The following NDUFA10 variants were observed in gnomAD, a reference collection of about 807,000 sequenced individuals.
NDUFA10 encodes NADH:ubiquinone oxidoreductase subunit A10.
Under a neutral mutation model 47.8 loss-of-function variants are expected in NDUFA10, and 40 were observed. The observed-to-expected ratio is 0.84, with a 90% CI of 0.65 to 1.09. NDUFA10 has a LOEUF of 1.09. Among genes scored for constraint, NDUFA10 ranks in the 50% least tolerant of loss-of-function variants. The pLI is 0.00. For missense variants in NDUFA10, 413 were observed against 451.1 expected, an observed-to-expected ratio of 0.92 and a Z score of 0.76; for synonymous variants, 183 against 172.2, an observed-to-expected ratio of 1.06 and a Z score of -0.49.
chr2:239,951,292 C>T (rs1251205627), intron 4 of NDUFA10, among the ~76,000 whole-genome samples: 3 of 152,192 alleles, frequency 2.0e-5, no homozygotes, highest in Non-Finnish European at 2.9e-5. Flanking sequence ...TGCTGCTGCC[C>T]TGGAGACAGG....
chr2:240,022,437 T>G, intron 1 of NDUFA10, 97 bp from the exon 2 acceptor site: 3 of 1,541,172 alleles, frequency 1.9e-6, no homozygotes, highest in Non-Finnish European at 2.6e-6. Context: ...AACCTCTTAG[T>G]GATAAAAATG....
chr2:239,946,057 G>A (rs919415086), intron 4 of NDUFA10, among the ~76,000 whole-genome samples: 12 of 152,224 alleles, frequency 7.9e-5, no homozygotes, highest in African/African-American at 2.4e-4. Flanking sequence ...CAGGGCAGAC[G>A]TGTCCCTTGC....
At chr2:239,996,570 T>A (rs531619358) in intron 8 of NDUFA10, among the ~76,000 whole-genome samples, 196 of 152,370 alleles carry the variant, frequency 1.3e-3, no homozygotes, top group African/African-American at 4.5e-3. Context: ...CTGATGCATA[T>A]GCAACCATTC....
intron 4 of NDUFA10, among the ~76,000 whole-genome samples, chr2:239,904,022 C>T (rs1313991099): frequency 2.6e-5 from 4 of 152,136 alleles, no homozygotes; most frequent in African/African-American, 9.7e-5. Context: ...GTCTGCCCAT[C>T]CCAGGGAGCC....
chr2:239,949,237 TGAG>T (rs1362276013), intron 4 of NDUFA10, among the ~76,000 whole-genome samples: 1 of 152,220 alleles, frequency 6.6e-6, no homozygotes, highest in Non-Finnish European at 1.5e-5. Flanking sequence ...CATTTGTGTC[TGAG>T]GAGTGAGATG....
intron 4 of NDUFA10, among the ~76,000 whole-genome samples, chr2:239,901,262 C>A (rs1168928108): frequency 6.6e-6 from 1 of 152,124 alleles, no homozygotes; most frequent in African/African-American, 2.4e-5. Context: ...AATCCCAGCA[C>A]TTTGGGAGGC....
chr2:239,918,917 G>A (rs10933578), intron 4 of NDUFA10, among the ~76,000 whole-genome samples: 34,183 of 152,104 alleles, frequency 0.22, 5,335 homozygotes, highest in African/African-American at 0.45. Context: ...CCCTCCTCCT[G>A]CTCGTCCAGT....
intron 9 of NDUFA10, among the ~76,000 whole-genome samples, chr2:239,964,713 A>G (rs539442973): frequency 6.6e-6 from 1 of 152,092 alleles, no homozygotes; most frequent in Non-Finnish European, 1.5e-5. Flanking sequence ...CGGCGAGGAC[A>G]CCTCCAGCAG....
intron 4 of NDUFA10, among the ~76,000 whole-genome samples, chr2:239,931,630 G>A (rs1309809713): frequency 6.6e-6 from 1 of 152,172 alleles, no homozygotes; most frequent in Admixed American, 6.5e-5. Context: ...CACACAGCAG[G>A]TGCCCAGTCA....
chr2:240,022,265 T>C lies in NDUFA10; in HGVS notation c.151A>G (p.Lys51Glu). ...WHFLLGDKAS[K>E]RLTERSRVIT... is the part of the protein sequence containing the mutation. ...ACTCTGCTGCGTTCTGTCAGTCTTTTGCTTGCTTTATCCCCAAGTAGGAAA... is the reference window on the plus strand; with the variant it reads ...ACTCTGCTGCGTTCTGTCAGTCTTTCGCTTGCTTTATCCCCAAGTAGGAAA... Residue 51 changes from lysine to glutamate, a missense_variant, in exon 2 of 10, where the codon AAA becomes GAA. Physicochemically the swap from Lys to Glu is moderately conservative, Grantham distance 56. Coordinates refer to ENST00000252711, the MANE Select transcript of NDUFA10 (RefSeq NM_004544.4). 6.2e-7 allele frequency: 1 copy of C among 1,614,166 alleles called. No individual in the cohort carries two copies.
At chr2:239,967,683 C>G (rs992493219) in intron 9 of NDUFA10, among the ~76,000 whole-genome samples, 1 of 152,238 alleles carries the variant, frequency 6.6e-6, no homozygotes, top group Admixed American at 6.5e-5. Flanking sequence ...CAGCGGGGAA[C>G]AGGGTGATTC....
chr2:239,903,972 T>C (rs576075319), intron 4 of NDUFA10, among the ~76,000 whole-genome samples: 2 of 152,090 alleles, frequency 1.3e-5, no homozygotes, highest in African/African-American at 2.4e-5. Context: ...ATGGTAACAG[T>C]GGGGCAGCAC....
chr2:239,929,112 G>A (rs527499178), intron 4 of NDUFA10, among the ~76,000 whole-genome samples: 23 of 152,342 alleles, frequency 1.5e-4, no homozygotes, highest in African/African-American at 5.5e-4. Context: ...TGGCTAACGA[G>A]ATCGTAACAA....
chr2:240,021,528 C>T, intron 2 of NDUFA10, 116 bp from the exon 3 acceptor site: 1 of 908,312 alleles, frequency 1.1e-6, no homozygotes, highest in Non-Finnish European at 1.7e-6. Context: ...GGGATGGAGC[C>T]AATGACCTAG....
At chr2:240,021,478 G>T in intron 2 of NDUFA10, 66 bp from the exon 3 acceptor site, 1 of 1,454,998 alleles carries the variant, frequency 6.9e-7, no homozygotes. Flanking sequence ...GAGCAGTGGG[G>T]ACTAGCCAAA....
chr2:239,987,990 A>AG lies in NDUFA10; in HGVS notation c.999+2083dup, dbSNP rs1186478953. On this transcript the variant is annotated intron_variant, in intron 9 of 9. Coordinates refer to ENST00000252711, the MANE Select transcript of NDUFA10 (RefSeq NM_004544.4). This position sits in a 1 kb window ranked among gnomAD's most constrained non-coding sequence, Gnocchi z 4.8. ...GAAATAGGTGGGGTAAATGGAATAA[A>AG]GAAAAAAAAGAAGAAAAAATACATA... Among the ~76,000 whole-genome samples, 1 of 152,228 alleles carries AG rather than the reference A, an allele frequency of 6.6e-6. No individual in the cohort carries two copies.
intron 8 of NDUFA10, among the ~76,000 whole-genome samples, chr2:239,992,603 A>G (rs1208171394): frequency 6.6e-6 from 1 of 152,182 alleles, no homozygotes; most frequent in East Asian, 1.9e-4. Context: ...TTAAGCAAAA[A>G]GAAGGTGGGT....
At chr2:239,941,361 T>C (rs1694357428) in intron 4 of NDUFA10, among the ~76,000 whole-genome samples, 1 of 152,072 alleles carries the variant, frequency 6.6e-6, no homozygotes, top group South Asian at 2.1e-4. Flanking sequence ...CGCCCGATGA[T>C]GTGAATGCAC....
chr2:239,998,695 C>A (rs1193899037), intron 8 of NDUFA10, among the ~76,000 whole-genome samples: 1 of 152,176 alleles, frequency 6.6e-6, no homozygotes, highest in Non-Finnish European at 1.5e-5. Flanking sequence ...ACGTGACCAG[C>A]CCCCAGTAAA....
Sources: allele counts gnomAD v4.1 joint callset (sites outside exome capture counted in the v4.1 genomes callset), GRCh38; gene constraint gnomAD v4.1.1; non-coding constraint Gnocchi (gnomAD v3.1); transcripts MANE v1.5; gene names NCBI Gene and HGNC (gene_info 2026-07-23, HGNC 2026-07-21).